The following TLN1 variants were observed in gnomAD, a reference collection of about 807,000 sequenced individuals.
TLN1 encodes talin-1.
In TLN1, 56 loss-of-function variants were observed where a neutral mutation model predicts 292.3. The ratio of observed to expected loss-of-function variants is 0.19; its 90% CI spans 0.15 to 0.24. TLN1 has a LOEUF of 0.24. Ranked by LOEUF, TLN1 falls within the 10% of genes least tolerant of loss-of-function variation. The pLI, the probability that TLN1 is intolerant of heterozygous loss-of-function variation, is 1.00. For synonymous variants in TLN1, 1,119 were observed against 1,253.7 expected (o/e 0.89, Z 2.27); for missense variants, 2,433 against 3,248.2 (o/e 0.75, Z 6.10).
At position 35,717,227 on chromosome 9, in the gene TLN1, C is replaced by CTG. The variant is rs1825802902; in HGVS notation, c.2376_2377insCA (p.Gly793GlnfsTer15). 6.2e-7 allele frequency: 1 copy of CTG among 1,614,060 alleles called. No homozygotes were observed. The highest frequency in any genetic ancestry group is 1.7e-5 in the Admixed American group (1 of 60,014). ...GCCTGGTCATAACGGCCAGCAGGCC[C>CTG]AGCCCCTGTGGCATGGGCTTTCACA... On this transcript the variant is annotated frameshift_variant, in exon 19 of 57. Coordinates refer to ENST00000314888, the MANE Select transcript of TLN1 (RefSeq NM_006289.4). LOFTEE classifies it high-confidence loss of function. This position sits in a 1 kb window ranked among gnomAD's most constrained non-coding sequence, Gnocchi z 4.7.
At position 35,720,832 on chromosome 9, in the gene TLN1, T is replaced by C; in HGVS notation, c.1186A>G (p.Ile396Val). The C allele has an allele frequency of 6.2e-7, 1 of 1,614,140 alleles. No individual in the cohort carries two copies. Among genetic ancestry groups the C allele is most frequent in the Non-Finnish European group, 8.5e-7 (1 of 1,180,006 alleles). The change falls in exon 11 of 57, where the codon ATC becomes GTC. Residue 396 changes from isoleucine (I) to valine (V), a missense_variant. This residue lies in a region of TLN1 where 57 missense variants were observed against 136.5 expected (regional missense o/e 0.42). Transcript: ENST00000314888. ...EQIAQLIAGYIDIILKKKKSK... is the reference protein window; with the variant it reads ...EQIAQLIAGYVDIILKKKKSK... ...CTCACCTTCTTCAGGATGATATCGA[T>C]GTAGCCGGCAATGAGCTGTGCAATC...
Position 35,712,022 on chromosome 9 carries a change from G to A in TLN1, c.3664C>T (p.Arg1222Ter). 6.2e-7 allele frequency: 1 copy of A among 1,613,852 alleles called. No individual in the cohort carries two copies. The highest frequency in any genetic ancestry group is 8.5e-7 in the Non-Finnish European group (1 of 1,179,994). The change falls in exon 28 of 57, where the codon CGA becomes TGA. Residue 1222 changes from arginine to a stop codon, truncating the protein, a stop_gained. Transcript: ENST00000314888. LOFTEE classifies it high-confidence loss of function. ...ALRAVGDASKRLLSDSLPPST... is the reference protein window; with the variant it reads ...ALRAVGDASK ...CCTCCTACCGAGTCACTCAGGAGTCGCTTGCTGGCATCTCCAACTGCCCTC... is the reference window on the plus strand; with the variant it reads ...CCTCCTACCGAGTCACTCAGGAGTCACTTGCTGGCATCTCCAACTGCCCTC...
Position 35,700,810 on chromosome 9 carries a change from T to C in TLN1, c.6475-434A>G, listed in dbSNP as rs181624157. Among the ~76,000 whole-genome samples, 14 of 152,312 alleles carry C rather than the reference T, an allele frequency of 9.2e-5. No homozygotes were observed. The East Asian group carries it at 1.9e-3, about 21-fold the overall frequency. On this transcript the variant is annotated intron_variant, in intron 48 of 56. Coordinates refer to ENST00000314888, the MANE Select transcript of TLN1 (RefSeq NM_006289.4). ...CCGAGGAACTTGGACTTTTACATAATATGTGAAAGTCATAAAATATTTTGA... is the reference window on the plus strand; with the variant it reads ...CCGAGGAACTTGGACTTTTACATAACATGTGAAAGTCATAAAATATTTTGA...
At position 35,706,789 on chromosome 9, in the gene TLN1, G is replaced by A. The variant is rs776312636; in HGVS notation, c.5067C>T (p.Pro1689=). Residue 1689 remains proline, a synonymous_variant, in exon 38 of 57, where the codon CCC becomes CCT. Transcript: ENST00000314888. This position sits in a 1 kb window ranked among gnomAD's most constrained non-coding sequence, Gnocchi z 4.2. ...SLAAVSQQLA[P]REGISQEALH... is the part of the protein sequence containing the mutation. ...TCACCTCTTGAGAGATTCCCTCACG[G>A]GGAGCAAGCTGCTGGCTGACTGCAG... 2 of 1,613,918 alleles carry A rather than the reference G, an allele frequency of 1.2e-6. No individual in the cohort carries two copies. The highest frequency in any genetic ancestry group is 1.7e-6 in the Non-Finnish European group (2 of 1,179,988).
intron 33 of TLN1, 22 bp downstream of exon 33, chr9:35,710,539 G>T (rs751694235): frequency 9.4e-6 from 15 of 1,603,792 alleles, no homozygotes; most frequent in Non-Finnish European, 1.3e-5. Context: ...GCCATTCAAA[G>T]AACCCATCTC....
intron 1 of TLN1, among the ~76,000 whole-genome samples, chr9:35,730,321 AGGGTCAGGCTG>A (rs1301277689): frequency 2.0e-5 from 3 of 151,918 alleles, no homozygotes; most frequent in Admixed American, 2.0e-4. Context: ...GGTCAGTGGC[AGGGTCAGGCTG>A]GGAGTGAAGT....
chr9:35,724,796 G>A lies in TLN1; in HGVS notation c.358+34C>T. On this transcript the variant is annotated intron_variant, in intron 4 of 56. Coordinates refer to ENST00000314888, the MANE Select transcript of TLN1 (RefSeq NM_006289.4). This position sits in a 1 kb window ranked among gnomAD's most constrained non-coding sequence, Gnocchi z 4.7. The stretch of plus-strand genomic sequence containing the variant: ...CCTTTTGAGAGAGTTGAGGCTTTCT[G>A]GCCCAGGCTTTCAACTGTACTAGGG... 6.2e-7 allele frequency: 1 copy of A among 1,613,710 alleles called. No homozygotes were observed. The highest frequency in any genetic ancestry group is 1.1e-5 in the South Asian group (1 of 91,070).
Position 35,714,442 on chromosome 9 carries a change from A to G in TLN1, c.2986-69T>C. 2 of 1,574,188 alleles carry G rather than the reference A, an allele frequency of 1.3e-6. No individual in the cohort carries two copies. The highest frequency in any genetic ancestry group is 1.7e-6 in the Non-Finnish European group (2 of 1,162,128). ...CTGGGCTTGGGTACAAGGACTGATG[A>G]TGGTCAGGATGTAGGGAACACTGGG... On this transcript the variant is annotated intron_variant, in intron 23 of 56. Transcript: ENST00000314888. This position sits in a 1 kb window ranked among gnomAD's most constrained non-coding sequence, Gnocchi z 4.6.
intron 17 of TLN1, among the ~76,000 whole-genome samples, chr9:35,718,400 C>T (rs1825822476): frequency 6.6e-6 from 1 of 152,160 alleles, no homozygotes. Context: ...CCTCTGGATG[C>T]ACATATCTGC....
chr9:35,721,316 T>G (rs1387733945), intron 10 of TLN1, among the ~76,000 whole-genome samples: 1 of 152,216 alleles, frequency 6.6e-6, no homozygotes, highest in Non-Finnish European at 1.5e-5. Flanking sequence ...TTTCAATTCA[T>G]AACCCTATAA....
At chr9:35,720,612 A>G in intron 11 of TLN1, 103 bp from the exon 12 acceptor site, 2 of 1,140,502 alleles carry the variant, frequency 1.8e-6, no homozygotes, top group East Asian at 2.4e-5. Context: ...CCAGAAGCTG[A>G]GTGTCCATTT....
chr9:35,725,717 C>A lies in TLN1; in HGVS notation c.-23G>T. 1 of 1,611,994 alleles carries A rather than the reference C, an allele frequency of 6.2e-7. No individual in the cohort carries two copies. The highest frequency in any genetic ancestry group is 8.5e-7 in the Non-Finnish European group (1 of 1,179,126). On this transcript the variant is annotated 5_prime_UTR_variant, in exon 2 of 57. Transcript: ENST00000314888. Reference sequence around the variant, plus strand: ...CATGGTGGCAGCTTCTTTTCTCCAGCCTGGCTATACCTGACCCATGGCATC... The same window carrying A: ...CATGGTGGCAGCTTCTTTTCTCCAGACTGGCTATACCTGACCCATGGCATC...
chr9:35,715,212 C>A, intron 20 of TLN1, 25 bp from the exon 21 acceptor site: 1 of 1,604,486 alleles, frequency 6.2e-7, no homozygotes, highest in South Asian at 1.1e-5. Context: ...GAAAGACAGT[C>A]ATCACCCAGC....
Position 35,701,569 on chromosome 9 carries a change from A to G in TLN1, c.6475-1193T>C, listed in dbSNP as rs113109172. Among the ~76,000 whole-genome samples, 443 of 152,384 alleles carry G rather than the reference A, an allele frequency of 2.9e-3. 2 individuals are homozygous for G. The highest frequency in any genetic ancestry group is 0.01 in the African/African-American group (416 of 41,592). ...TTTACAGGCATCAGCCAGCATGTCCAGACTCTAATTTATATTTTAAAAACA... is the reference window on the plus strand; with the variant it reads ...TTTACAGGCATCAGCCAGCATGTCCGGACTCTAATTTATATTTTAAAAACA... On this transcript the variant is annotated intron_variant, in intron 48 of 56. Transcript: ENST00000314888.
At position 35,708,366 on chromosome 9, in the gene TLN1, C is replaced by A; in HGVS notation, c.4445G>T (p.Gly1482Val). The change falls in exon 34 of 57, where the codon GGA becomes GTA. Residue 1482 changes from glycine to valine, a missense_variant. Physicochemically the swap from Gly to Val is moderately radical, Grantham distance 109. This residue lies in a region of TLN1 where 1,384 missense variants were observed against 1,699.6 expected (regional missense o/e 0.81). Transcript: ENST00000314888. ...QAIQMACQSL[G>V]EPGCTQAQVL... ...CTGGGCCTGGGTACAGCCAGGCTCT[C>A]CCAAACTCTGGCAGGCCATCTGAAT... 1.2e-6 allele frequency: 2 copies of A among 1,611,010 alleles called. No homozygotes were observed. Among genetic ancestry groups the A allele is most frequent in the South Asian group, 2.2e-5 (2 of 90,696 alleles).
chr9:35,712,481 TAAAAC>T (rs1455658339), intron 27 of TLN1, among the ~76,000 whole-genome samples: 2 of 151,968 alleles, frequency 1.3e-5, no homozygotes, highest in African/African-American at 2.4e-5. Context: ...CTGTCTCTAC[TAAAAC>T]AAAATTCAAA....
intron 17 of TLN1, 99 bp downstream of exon 17, chr9:35,718,713 T>G: frequency 1.0e-6 from 1 of 997,574 alleles, no homozygotes; most frequent in Admixed American, 2.1e-5. Flanking sequence ...GATTGGTTTT[T>G]AGGGGTCAAT....
intron 1 of TLN1, among the ~76,000 whole-genome samples, chr9:35,730,033 A>T (rs1826045966): frequency 6.6e-6 from 1 of 152,094 alleles, no homozygotes. Flanking sequence ...AAATACATAT[A>T]CATAAGATAC....
Position 35,715,048 on chromosome 9 carries a change from C to A in TLN1, c.2754+11G>T, listed in dbSNP as rs1382631106. ...ACTCTCTCTTGCTCCTGGTGAAACT[C>A]CCAGCCTCACCTCCAGGCGCTGCAC... On this transcript the variant is annotated intron_variant, in intron 21 of 56. Coordinates refer to ENST00000314888, the MANE Select transcript of TLN1 (RefSeq NM_006289.4). 8 of 1,612,640 alleles carry A rather than the reference C, an allele frequency of 5.0e-6. No homozygotes were observed. Among genetic ancestry groups the A allele is most frequent in the Non-Finnish European group, 5.9e-6 (7 of 1,180,052 alleles).
Sources: gnomAD v4.1 joint callset for allele counts (sites outside exome capture counted in the v4.1 genomes callset) on GRCh38, gnomAD v4.1.1 for gene constraint, gnomAD v4.1.1 regional missense constraint, Gnocchi (gnomAD v3.1) non-coding constraint, MANE v1.5 for transcripts, NCBI Gene and HGNC (gene_info 2026-07-23, HGNC 2026-07-21) for gene names.